FAM117B: variants seen among roughly 807,000 people sequenced by gnomAD.
The protein encoded by FAM117B is family with sequence similarity 117 member B.
Under a neutral mutation model 52.8 loss-of-function variants are expected in FAM117B, and 22 were observed. That is an observed-to-expected ratio of 0.42 (90% CI 0.30 to 0.59). FAM117B has a LOEUF of 0.59. FAM117B is among the 20% of genes least tolerant of loss of function. The pLI, the probability that FAM117B is intolerant of heterozygous loss-of-function variation, is 0.22. For missense variants in FAM117B, 678 were observed against 802.6 expected, an observed-to-expected ratio of 0.84 and a Z score of 1.88; for synonymous variants, 309 against 324.1, an observed-to-expected ratio of 0.95 and a Z score of 0.50.
chr2:202,658,467 T>A (rs1690082728), intron 1 of FAM117B, among the ~76,000 whole-genome samples: 1 of 152,064 alleles, frequency 6.6e-6, no homozygotes, highest in Non-Finnish European at 1.5e-5. Context: ...CACACCTGGC[T>A]AATTTTATAT....
intron 2 of FAM117B, among the ~76,000 whole-genome samples, chr2:202,723,713 G>C (rs1449008663): frequency 6.6e-6 from 1 of 152,176 alleles, no homozygotes; most frequent in Non-Finnish European, 1.5e-5. Flanking sequence ...TGTAAGAACA[G>C]TGCTACAGGG....
intron 2 of FAM117B, among the ~76,000 whole-genome samples, chr2:202,722,138 G>C (rs1304801341): frequency 6.7e-6 from 1 of 150,244 alleles, no homozygotes; most frequent in East Asian, 2.0e-4. Flanking sequence ...AGCCTCCCAA[G>C]CAGCTGGGAT....
chr2:202,670,062 T>G (rs564587012), intron 1 of FAM117B, among the ~76,000 whole-genome samples: 1 of 152,332 alleles, frequency 6.6e-6, no homozygotes, highest in South Asian at 2.1e-4. Context: ...TTTCTTAATC[T>G]TTCATGTGGG....
chr2:202,724,817 T>C, intron 2 of FAM117B, 100 bp from the exon 3 acceptor site: 1 of 795,118 alleles, frequency 1.3e-6, no homozygotes, highest in African/African-American at 1.8e-5. Context: ...TAATGTCTAA[T>C]TTTTTTGTAA....
intron 1 of FAM117B, among the ~76,000 whole-genome samples, chr2:202,641,512 T>G (rs1243823185): frequency 6.6e-6 from 1 of 152,220 alleles, no homozygotes; most frequent in African/African-American, 2.4e-5. Context: ...AGTTTAACTT[T>G]AGGCAAGTTC....
intron 4 of FAM117B, among the ~76,000 whole-genome samples, chr2:202,736,129 G>T (rs561685238): frequency 6.6e-6 from 1 of 152,308 alleles, no homozygotes; most frequent in East Asian, 1.9e-4. Flanking sequence ...AAGGTGCATT[G>T]TAATTTGAAA....
At chr2:202,684,257 A>G (rs1465297915) in intron 1 of FAM117B, among the ~76,000 whole-genome samples, 2 of 152,198 alleles carry the variant, frequency 1.3e-5, no homozygotes, top group African/African-American at 4.8e-5. Context: ...TACCCCAAGT[A>G]TGCAAGTTTG....
intron 1 of FAM117B, among the ~76,000 whole-genome samples, chr2:202,650,919 A>G (rs1197342192): frequency 3.3e-5 from 5 of 152,140 alleles, no homozygotes; most frequent in African/African-American, 7.2e-5. Context: ...CGCTGACTCA[A>G]ATATTAATCT....
At chr2:202,741,114 G>A (rs1404807746) in intron 4 of FAM117B, among the ~76,000 whole-genome samples, 1 of 152,092 alleles carries the variant, frequency 6.6e-6, no homozygotes, top group Non-Finnish European at 1.5e-5. Flanking sequence ...AGAGAAGTCA[G>A]TTAGAGCCAT....
chr2:202,765,720 T>C lies in FAM117B; in HGVS notation c.1726T>C (p.Ser576Pro), dbSNP rs1271383147. Reference sequence around the variant, plus strand: ...AACAAGTACAGTCATGCCATCAGCTTCTCTACTCCCACCACCAGAACCAAT... The same window carrying C: ...AACAAGTACAGTCATGCCATCAGCTCCTCTACTCCCACCACCAGAACCAAT... ...RGTSTVMPSA[S>P]LLPPPEPIEE... Residue 576 changes from serine (S) to proline (P), a missense_variant, in exon 8 of 8, where the codon TCT (serine) becomes CCT (proline). Physicochemically the swap from Ser to Pro is moderately conservative, Grantham distance 74. Around this residue, in one of 3 missense-constraint regions of FAM117B, gnomAD observed 68 missense variants for 80.6 expected, o/e 0.84. Coordinates refer to ENST00000392238, the MANE Select transcript of FAM117B (RefSeq NM_173511.4). 14 of 1,614,064 alleles carry C rather than the reference T, an allele frequency of 8.7e-6. No individual in the cohort carries two copies. Among genetic ancestry groups the C allele is most frequent in the Non-Finnish European group, 1.0e-5 (12 of 1,179,994 alleles).
rs1349904775 is a variant in FAM117B, at chr2:202,635,629, G to C, written c.442G>C (p.Gly148Arg). ...GCCGCCGCCGCCGCCGCCGCTGCTG[G>C]GCACCGTGTCGTCGCCCAGCTCGTC... is the stretch of plus-strand genomic sequence containing the variant. ...PRPPPPPPLL[G>R]TVSSPSSSPT... Residue 148 changes from glycine (G) to arginine (R), a missense_variant, in exon 1 of 8, where the codon GGC becomes CGC. Gly to Arg is a moderately radical substitution (Grantham distance 125, BLOSUM62 -2). This residue lies in a region of FAM117B where 583 missense variants were observed against 644.8 expected (regional missense o/e 0.90). Coordinates refer to ENST00000392238, the MANE Select transcript of FAM117B (RefSeq NM_173511.4). 18 of 1,320,278 alleles carry C rather than the reference G, an allele frequency of 1.4e-5. No individual in the cohort carries two copies. The highest frequency in any genetic ancestry group is 1.7e-5 in the Non-Finnish European group (18 of 1,038,888). The allele number at this position is 1,320,278 out of a possible 1,614,324, so 81.8% of individuals were successfully genotyped here.
chr2:202,701,599 A>C (rs892973116), intron 2 of FAM117B, among the ~76,000 whole-genome samples: 8 of 152,246 alleles, frequency 5.3e-5, no homozygotes, highest in Non-Finnish European at 1.0e-4. Flanking sequence ...GCCATTAAGA[A>C]CATTTGTGAT....
At chr2:202,673,669 A>C (rs1181334910) in intron 1 of FAM117B, among the ~76,000 whole-genome samples, 3 of 151,624 alleles carry the variant, frequency 2.0e-5, no homozygotes, top group Non-Finnish European at 4.4e-5. Flanking sequence ...GCTGGTCTGG[A>C]ACTCTTGACC....
intron 2 of FAM117B, among the ~76,000 whole-genome samples, chr2:202,715,999 G>T (rs1022882072): frequency 7.9e-5 from 12 of 152,218 alleles, no homozygotes; most frequent in Non-Finnish European, 1.3e-4. Flanking sequence ...GGAGAATCAG[G>T]CAGGGAGGTT....
chr2:202,640,222 G>GATT (rs1689746833), intron 1 of FAM117B, among the ~76,000 whole-genome samples: 1 of 146,408 alleles, frequency 6.8e-6, no homozygotes, highest in Non-Finnish European at 1.5e-5. Context: ...AGTGAGCCGA[G>GATT]ATTGTGCCAC....
Position 202,707,059 on chromosome 2 carries a change from TA to T in FAM117B, c.753+11028del, listed in dbSNP as rs200530129. Among the ~76,000 whole-genome samples, 440 of 152,294 alleles carry T rather than the reference TA, an allele frequency of 2.9e-3. 11 individuals carry two copies. Among genetic ancestry groups the T allele is most frequent in the Admixed American group, 0.027 (416 of 15,286 alleles). ...TTTTTGTTGTTGTTGTTTTTATTTT[TA>T]TTTTTTTAGGGTTTTGCTTGTCACC... On this transcript the variant is annotated intron_variant, in intron 2 of 7. Transcript: ENST00000392238.
At chr2:202,729,966 G>A (rs1251836651) in intron 4 of FAM117B, among the ~76,000 whole-genome samples, 1 of 152,098 alleles carries the variant, frequency 6.6e-6, no homozygotes, top group Non-Finnish European at 1.5e-5. Flanking sequence ...ATTAGAAGTA[G>A]GGAAATAATT....
chr2:202,748,514 G>A (rs1691670082), intron 4 of FAM117B, among the ~76,000 whole-genome samples: 1 of 152,002 alleles, frequency 6.6e-6, no homozygotes, highest in Non-Finnish European at 1.5e-5. Context: ...GAAAATATTT[G>A]CAAACTATTC....
intron 4 of FAM117B, among the ~76,000 whole-genome samples, chr2:202,752,614 C>A (rs1383700824): frequency 6.6e-6 from 1 of 152,040 alleles, no homozygotes; most frequent in Non-Finnish European, 1.5e-5. Context: ...CCCACCTCTT[C>A]CTGAAAGAGG....
Sources: allele counts gnomAD v4.1 joint callset (sites outside exome capture counted in the v4.1 genomes callset), GRCh38; gene constraint gnomAD v4.1.1; regional missense constraint gnomAD v4.1.1; transcripts MANE v1.5; gene names NCBI Gene and HGNC (gene_info 2026-07-23, HGNC 2026-07-21).